The following RAC1 variants were observed in gnomAD, a reference collection of about 807,000 sequenced individuals.
The protein encoded by RAC1 is ras-related C3 botulinum toxin substrate 1.
RAC1 carries 2 observed loss-of-function variants against 25.2 expected under a neutral mutation model. That is an observed-to-expected ratio of 0.08 (90% CI 0.03 to 0.25). The LOEUF (loss-of-function observed/expected upper bound fraction) is 0.25. Among genes scored for constraint, RAC1 ranks in the 10% least tolerant of loss-of-function variants. The pLI is 1.00. For synonymous variants in RAC1, 88 were observed against 94.0 expected, an observed-to-expected ratio of 0.94 and a Z score of 0.37; for missense variants, 50 against 235.7, an observed-to-expected ratio of 0.21 and a Z score of 5.16.
Position 6,374,646 on chromosome 7 carries a change from C to CAAGCCGCGCGCCCGT in RAC1, c.-89_-75dup. ...CCGGCACCCAGCGCCCCGCCGCCCG[C>CAAGCCGCGCGCCCGT]AAGCCGCGCGCCCGTCCGCCGCGCC... On this transcript the variant is annotated 5_prime_UTR_variant, in exon 1 of 6. Transcript: ENST00000348035. 1 of 939,186 alleles carries CAAGCCGCGCGCCCGT rather than the reference C, an allele frequency of 1.1e-6. No individual in the cohort carries two copies. The allele number at this position is 939,186 out of a possible 1,614,324, so 58.2% of individuals were successfully genotyped here. A position where few individuals can be genotyped will look rare whatever the true frequency, so the allele number is the denominator to read the frequency against.
chr7:6,391,822 G>A, intron 2 of RAC1, 102 bp from the exon 3 acceptor site: 4 of 1,575,174 alleles, frequency 2.5e-6, no homozygotes, highest in Non-Finnish European at 3.5e-6. Flanking sequence ...GCAGCCTCCA[G>A]GCCCGTCCCC....
At chr7:6,382,382 G>A (rs911417504) in intron 1 of RAC1, among the ~76,000 whole-genome samples, 1 of 152,202 alleles carries the variant, frequency 6.6e-6, no homozygotes, top group African/African-American at 2.4e-5. Context: ...TCTGTCCTGA[G>A]ATCAACGTGT....
chr7:6,376,305 C>T (rs537508966), intron 1 of RAC1, among the ~76,000 whole-genome samples: 68 of 147,768 alleles, frequency 4.6e-4, no homozygotes, highest in African/African-American at 1.6e-3. Context: ...GCCTCAGTGT[C>T]CTTAGTAGCT....
intron 2 of RAC1, among the ~76,000 whole-genome samples, chr7:6,387,753 GTAATA>G (rs1479365328): frequency 6.6e-6 from 1 of 151,898 alleles, no homozygotes; most frequent in African/African-American, 2.4e-5. Context: ...GAAACTTAGG[GTAATA>G]TAAACTTTTC....
chr7:6,392,005 T>G lies in RAC1; in HGVS notation c.189T>G (p.Asp63Glu). Reference sequence around the variant, plus strand: ...TATGGGATACAGCTGGACAAGAAGATTATGACAGATTACGCCCCCTATCCT... The same window carrying G: ...TATGGGATACAGCTGGACAAGAAGAGTATGACAGATTACGCCCCCTATCCT... ...LGLWDTAGQE[D>E]YDRLRPLSYP... The change falls in exon 3 of 6, where the codon GAT becomes GAG. Residue 63 changes from aspartate to glutamate, a missense_variant. Asp to Glu is a conservative substitution (Grantham distance 45). Transcript: ENST00000348035. The G allele has an allele frequency of 6.2e-7, 1 of 1,614,180 alleles. No homozygotes were observed. Among genetic ancestry groups the G allele is most frequent in the Non-Finnish European group, 8.5e-7 (1 of 1,180,036 alleles).
At chr7:6,392,378 C>T (rs191187579) in intron 3 of RAC1, among the ~76,000 whole-genome samples, 47 of 152,226 alleles carry the variant, frequency 3.1e-4, no homozygotes, top group African/African-American at 1.0e-3. Flanking sequence ...ATTTTTGTAC[C>T]ACAGAATCAA....
intron 3 of RAC1, chr7:6,398,856 T>G (rs1583269823): frequency 2.4e-6 from 2 of 827,442 alleles, no homozygotes; most frequent in South Asian, 3.4e-5. Flanking sequence ...GGGGTTTTGC[T>G]TGATGAAATA....
rs148728265 is a variant in RAC1 at position 6,394,043 on chromosome 7, T to C, written c.225+2002T>C. On this transcript the variant is annotated intron_variant, in intron 3 of 5. Coordinates refer to ENST00000348035, the MANE Select transcript of RAC1 (RefSeq NM_006908.5). ...CCTCTAAATTTTGTACTACATGGAA[T>C]GTGGTCCCTGATTGCTGGCTCTGTG... Among the ~76,000 whole-genome samples the C allele has an allele frequency of 9.2e-5, 14 of 152,306 alleles. 1 individual carries two copies. Among genetic ancestry groups the C allele is most frequent in the Non-Finnish European group, 1.5e-4 (10 of 68,018 alleles).
chr7:6,376,506 C>CTTTT (rs1315630129), intron 1 of RAC1, among the ~76,000 whole-genome samples: 6 of 82,996 alleles, frequency 7.2e-5, no homozygotes, highest in African/African-American at 1.1e-4. Flanking sequence ...TTTTTCTTTT[C>CTTTT]TTTTTTTTTT....
intron 1 of RAC1, among the ~76,000 whole-genome samples, chr7:6,380,699 C>G (rs1782738884): frequency 1.3e-5 from 2 of 152,084 alleles, no homozygotes; most frequent in Admixed American, 1.3e-4. Context: ...TTCAAACAGA[C>G]TAGTGGAAAG....
At position 6,402,709 on chromosome 7, in the gene RAC1, C is replaced by G. The variant is rs1783451124; in HGVS notation, c.*263C>G. On this transcript the variant is annotated 3_prime_UTR_variant, in exon 6 of 6. Coordinates refer to ENST00000348035, the MANE Select transcript of RAC1 (RefSeq NM_006908.5). The stretch of plus-strand genomic sequence containing the variant: ...CTAAAATGACAAGCCTTCTTAAAGC[C>G]TTATTTTTCAAAAGCGCCCCCCCCA... 1 of 315,108 alleles carries G rather than the reference C, an allele frequency of 3.2e-6. No homozygotes were observed. Among genetic ancestry groups the G allele is most frequent in the Admixed American group, 4.8e-5 (1 of 20,902 alleles). 19.5% of individuals were successfully genotyped at this position (315,108 alleles called of 1,614,324 possible).
At chr7:6,389,660 A>G (rs1300256651) in intron 2 of RAC1, among the ~76,000 whole-genome samples, 1 of 152,140 alleles carries the variant, frequency 6.6e-6, no homozygotes, top group African/African-American at 2.4e-5. Flanking sequence ...AGCCTGGGCA[A>G]CAGAACAAGA....
chr7:6,398,241 T>G (rs913093471), intron 3 of RAC1, among the ~76,000 whole-genome samples: 2 of 152,196 alleles, frequency 1.3e-5, no homozygotes, highest in Non-Finnish European at 2.9e-5. Context: ...GACGGGTCCT[T>G]TTCCTGTATG....
intron 2 of RAC1, among the ~76,000 whole-genome samples, chr7:6,387,934 G>C (rs1782968608): frequency 6.6e-6 from 1 of 152,222 alleles, no homozygotes; most frequent in South Asian, 2.1e-4. Context: ...AGATACACTG[G>C]CTTTCTGGGA....
At chr7:6,375,024 C>A (rs1172086735) in intron 1 of RAC1, among the ~76,000 whole-genome samples, 1 of 151,774 alleles carries the variant, frequency 6.6e-6, no homozygotes, top group African/African-American at 2.4e-5. Context: ...AAAGTGAACT[C>A]CACCCTCCGG....
At chr7:6,401,833 G>A (rs376158830) in intron 4 of RAC1, 35 bp from the exon 5 acceptor site, 583 of 1,592,600 alleles carry the variant, frequency 3.7e-4, no homozygotes, top group Non-Finnish European at 4.7e-4. Flanking sequence ...CTGTAAAGGA[G>A]CGTGTCACAA....
intron 1 of RAC1, among the ~76,000 whole-genome samples, chr7:6,380,809 G>A (rs538099133): frequency 3.6e-4 from 55 of 152,256 alleles, no homozygotes; most frequent in African/African-American, 1.3e-3. Context: ...ATGTCTTCCT[G>A]TTATCAGAGG....
At position 6,402,039 on chromosome 7, in the gene RAC1, T is replaced by C. The variant is rs3729796; in HGVS notation, c.448+12T>C. On this transcript the variant is annotated intron_variant, in intron 5 of 5. Coordinates refer to ENST00000348035, the MANE Select transcript of RAC1 (RefSeq NM_006908.5). Reference sequence around the variant, plus strand: ...GGCTAAGGAGATTGGTATGGAATCCTGTGTTTTTCCTCCTCCTTGTACCTC... The same window carrying C: ...GGCTAAGGAGATTGGTATGGAATCCCGTGTTTTTCCTCCTCCTTGTACCTC... The C allele has an allele frequency of 0.011, 18,063 of 1,610,850 alleles. 206 individuals carry two copies. The highest frequency in any genetic ancestry group is 0.032 in the South Asian group (2,908 of 90,732).
chr7:6,383,565 C>G (rs35826457), intron 1 of RAC1, among the ~76,000 whole-genome samples: 1 of 152,054 alleles, frequency 6.6e-6, no homozygotes, highest in Non-Finnish European at 1.5e-5. Flanking sequence ...TTGAGCCTTT[C>G]TCAGCTAAAG....
Sources: gnomAD v4.1 joint callset for allele counts (sites outside exome capture counted in the v4.1 genomes callset) on GRCh38, gnomAD v4.1.1 for gene constraint, MANE v1.5 for transcripts, NCBI Gene and HGNC (gene_info 2026-07-23, HGNC 2026-07-21) for gene names.